Variants in ROBO2 observed in about 807,000 individuals in gnomAD.
ROBO2 encodes the protein roundabout guidance receptor 2.
In ROBO2, 53 loss-of-function variants were observed where a neutral mutation model predicts 160.8. The ratio of observed to expected loss-of-function variants is 0.33; its 90% CI spans 0.26 to 0.41. The LOEUF (loss-of-function observed/expected upper bound fraction) is 0.41. Ranked by LOEUF, ROBO2 falls within the 10% of genes least tolerant of loss-of-function variation. The pLI, the probability that ROBO2 is intolerant of heterozygous loss-of-function variation, is 1.00. For synonymous variants in ROBO2, 664 were observed against 611.7 expected (o/e 1.09, Z -1.26); for missense variants, 1,577 against 1,722.4 (o/e 0.92, Z 1.49).
At chr3:77,634,350 A>T (rs182344716) in intron 23 of ROBO2, 95 of 166,466 alleles carry the variant, frequency 5.7e-4, no homozygotes, top group Admixed American at 1.9e-3. Context: ...TGGTAAGGTC[A>T]ATTTAATATA....
chr3:77,495,906 A>G (rs950669201), intron 5 of ROBO2, among the ~76,000 whole-genome samples: 4 of 152,190 alleles, frequency 2.6e-5, no homozygotes, highest in African/African-American at 7.2e-5. Flanking sequence ...GCCTAGTTTG[A>G]TTATTTCCAG....
rs2085913562 is a variant in ROBO2 at position 77,222,232 on chromosome 3, A to G, written c.388+123892A>G. ...GAAAAGAGATGTTACATTTATTTTTAAAAGTTGAGATATAGATCATATCCA... is the reference window on the plus strand; with the variant it reads ...GAAAAGAGATGTTACATTTATTTTTGAAAGTTGAGATATAGATCATATCCA... On this transcript the variant is annotated intron_variant, in intron 2 of 25. Coordinates refer to ENST00000461745, the Ensembl canonical transcript of ROBO2. Among the ~76,000 whole-genome samples, 4 of 152,170 alleles carry G rather than the reference A, an allele frequency of 2.6e-5. No individual in the cohort carries two copies. In the South Asian group the frequency reaches 8.3e-4, roughly 32 times the overall value.
At chr3:77,557,981 C>G in exon 9 of ROBO2, 2 of 1,613,054 alleles carry the variant, frequency 1.2e-6, no homozygotes, top group Non-Finnish European at 1.7e-6. Flanking sequence ...TTCTACAAGG[C>G]CCAGCCAACC....
chr3:77,122,058 C>A (rs2074830025), intron 2 of ROBO2, among the ~76,000 whole-genome samples: 1 of 152,078 alleles, frequency 6.6e-6, no homozygotes, highest in African/African-American at 2.4e-5. Context: ...CCACTTCACA[C>A]AATATCTAGA....
chr3:76,633,297 GAA>G, intron 2 of ROBO2, among the ~76,000 whole-genome samples: 1 of 152,106 alleles, frequency 6.6e-6, no homozygotes, highest in East Asian at 1.9e-4. Flanking sequence ...CCCCGCACAT[GAA>G]ATCAGGCAAG....
At chr3:77,349,495 G>A (rs184213022) in intron 2 of ROBO2, among the ~76,000 whole-genome samples, 1 of 152,242 alleles carries the variant, frequency 6.6e-6, no homozygotes, top group Admixed American at 6.5e-5. Flanking sequence ...CTATGAAATC[G>A]ACGTGTAATG....
chr3:76,517,129 A>G (rs181139790), intron 2 of ROBO2, among the ~76,000 whole-genome samples: 28 of 152,300 alleles, frequency 1.8e-4, no homozygotes, highest in Non-Finnish European at 3.5e-4. Flanking sequence ...AAATTTTCAT[A>G]CAGTGTGATT....
chr3:76,486,716 T>A (rs1004957303), intron 2 of ROBO2, among the ~76,000 whole-genome samples: 3 of 152,162 alleles, frequency 2.0e-5, no homozygotes, highest in African/African-American at 7.2e-5. Context: ...TATTTAGCAG[T>A]TTTCTGAATC....
chr3:76,514,892 C>T (rs1248397763), intron 2 of ROBO2, among the ~76,000 whole-genome samples: 1 of 152,154 alleles, frequency 6.6e-6, no homozygotes, highest in African/African-American at 2.4e-5. Flanking sequence ...TGTTCAATAG[C>T]AACTGCTGAC....
At position 77,546,520 on chromosome 3, in the gene ROBO2, C is replaced by T. The variant is rs114459664; in HGVS notation, c.1059+58C>T. 1,621 of 1,597,914 alleles carry T rather than the reference C, an allele frequency of 1.0e-3. 20 individuals carry two copies. In the African/African-American group the frequency reaches 0.018, roughly 18 times the overall value. ...CTCTGAACTTCTACTGTCTCTGCTG[C>T]TCCTGAAAGCTTGCCTTGCTTCTCT... On this transcript the variant is annotated intron_variant, in intron 7 of 25. Coordinates refer to ENST00000461745, the Ensembl canonical transcript of ROBO2.
At chr3:75,940,370 G>A (rs1187097626) in intron 2 of ROBO2, among the ~76,000 whole-genome samples, 1 of 152,122 alleles carries the variant, frequency 6.6e-6, no homozygotes, top group Non-Finnish European at 1.5e-5. Context: ...GGCCCTTAGG[G>A]TCAAAATAAG....
At chr3:76,132,033 G>A (rs1269779137) in intron 2 of ROBO2, among the ~76,000 whole-genome samples, 1 of 152,072 alleles carries the variant, frequency 6.6e-6, no homozygotes, top group East Asian at 1.9e-4. Context: ...CTTCTGTGTG[G>A]AGGATCCCCA....
At chr3:76,488,519 G>C (rs2079623062) in intron 2 of ROBO2, among the ~76,000 whole-genome samples, 1 of 152,170 alleles carries the variant, frequency 6.6e-6, no homozygotes. Flanking sequence ...TTCAAAGCCA[G>C]GAGGGGTACA....
intron 2 of ROBO2, among the ~76,000 whole-genome samples, chr3:77,167,086 A>C (rs1383186752): frequency 6.6e-6 from 1 of 152,180 alleles, no homozygotes; most frequent in Non-Finnish European, 1.5e-5. Context: ...CTCTGTGACA[A>C]ACTGTACAAA....
intron 2 of ROBO2, among the ~76,000 whole-genome samples, chr3:76,903,933 G>GAAAAGAAAAAGA (rs61076061): frequency 1.9e-4 from 29 of 149,740 alleles, no homozygotes; most frequent in East Asian, 1.4e-3. Context: ...TACTTGGGAA[G>GAAAAGAAAAAGA]AAAAGAAAAA....
exon 1 of ROBO2, chr3:75,906,785 A>G (rs1212164927): frequency 6.6e-6 from 1 of 152,300 alleles, no homozygotes; most frequent in Non-Finnish European, 1.5e-5. Flanking sequence ...GAGGAAAGAA[A>G]AGGAAGGACG....
At chr3:76,025,794 A>G (rs2066724507) in intron 2 of ROBO2, among the ~76,000 whole-genome samples, 1 of 151,828 alleles carries the variant, frequency 6.6e-6, no homozygotes, top group Non-Finnish European at 1.5e-5. Context: ...CCTAGTCACA[A>G]GAATCTCAAG....
intron 2 of ROBO2, among the ~76,000 whole-genome samples, chr3:77,388,061 G>T (rs2074318896): frequency 6.6e-6 from 1 of 151,852 alleles, no homozygotes; most frequent in Non-Finnish European, 1.5e-5. Context: ...CTGCCGAGTG[G>T]TCAGATATTT....
chr3:77,483,713 T>G (rs2084979026), intron 4 of ROBO2, among the ~76,000 whole-genome samples: 1 of 148,044 alleles, frequency 6.8e-6, no homozygotes, highest in South Asian at 2.1e-4. Context: ...ATATATATTA[T>G]TATTATAAAT....
Sources: gnomAD v4.1 joint callset for allele counts (sites outside exome capture counted in the v4.1 genomes callset) on GRCh38, gnomAD v4.1.1 for gene constraint, MANE v1.5 for transcripts, NCBI Gene and HGNC (gene_info 2026-07-23, HGNC 2026-07-21) for gene names.